CCNK: variants seen among roughly 807,000 people sequenced by gnomAD.
The protein encoded by CCNK is cyclin-K.
A neutral mutation model predicts 65.0 loss-of-function variants in CCNK; 9 were observed. The ratio of observed to expected loss-of-function variants is 0.14; its 90% CI spans 0.08 to 0.24. The LOEUF is 0.24. Among genes scored for constraint, CCNK ranks in the 10% least tolerant of loss-of-function variants. The pLI is 1.00. For missense variants in CCNK, 474 were observed against 720.0 expected (o/e 0.66, Z 3.91); for synonymous variants, 279 against 270.8 (o/e 1.03, Z -0.30).
rs1412522062 is a variant in CCNK, at chr14:99,510,526, C to A, written c.1487C>A (p.Pro496Gln). The change falls in exon 11 of 11, where the codon CCA (proline) becomes CAA (glutamine). Residue 496 changes from proline (P) to glutamine (Q), a missense_variant. By Grantham distance (76) the Pro-to-Gln change is moderately conservative (BLOSUM62 -1). Coordinates refer to ENST00000389879, the MANE Select transcript of CCNK (RefSeq NM_001099402.2). Reference sequence around the variant, plus strand: ...CCTCCTCCCCCAGCCTCCTTCCCCCCACCTGCCATCCCACCCCCTACTCCT... The same window carrying A: ...CCTCCTCCCCCAGCCTCCTTCCCCCAACCTGCCATCCCACCCCCTACTCCT... The part of the protein sequence containing the change: ...PVPPPPASFP[P>Q]PAIPPPTPGY... 5 of 553,000 alleles carry A rather than the reference C, an allele frequency of 9.0e-6. No individual in the cohort carries two copies. Among genetic ancestry groups the A allele is most frequent in the East Asian group, 5.7e-5 (1 of 17,630 alleles). The allele number at this position is 553,000 out of a possible 1,614,324, so 34.3% of individuals were successfully genotyped here.
intron 2 of CCNK, 124 bp from the exon 3 acceptor site, chr14:99,493,390 G>T: frequency 1.8e-6 from 1 of 559,104 alleles, no homozygotes; most frequent in Non-Finnish European, 3.2e-6. Context: ...TCATTACTTT[G>T]CCACTAATAT....
At chr14:99,498,385 C>T (rs1018768030) in intron 4 of CCNK, among the ~76,000 whole-genome samples, 6 of 152,120 alleles carry the variant, frequency 3.9e-5, no homozygotes, top group African/African-American at 7.2e-5. Context: ...CTTCCCTGGT[C>T]GGAGTCGGGG....
At chr14:99,487,767 G>T (rs898587965) in intron 1 of CCNK, among the ~76,000 whole-genome samples, 4 of 152,224 alleles carry the variant, frequency 2.6e-5, no homozygotes, top group African/African-American at 7.2e-5. Context: ...GTTAACACAG[G>T]TGTGTTTACT....
chr14:99,502,132 T>A (rs1422902181), intron 6 of CCNK, 75 bp from the exon 7 acceptor site: 1 of 1,430,392 alleles, frequency 7.0e-7, no homozygotes, highest in Non-Finnish European at 9.3e-7. Context: ...TGGTTAGTTA[T>A]GGCATCTCCA....
chr14:99,500,013 A>C (rs1896785137), intron 4 of CCNK, among the ~76,000 whole-genome samples: 1 of 152,244 alleles, frequency 6.6e-6, no homozygotes, highest in South Asian at 2.1e-4. Flanking sequence ...GAAAAAGAGA[A>C]GTAATACTGG....
Position 99,501,336 on chromosome 14 carries a change from CT to C in CCNK, c.518-15del. 4 of 1,554,636 alleles carry C rather than the reference CT, an allele frequency of 2.6e-6. No homozygotes were observed. The highest frequency in any genetic ancestry group is 2.7e-6 in the Non-Finnish European group (3 of 1,128,368). ...AATTTTTCTATTGCTATTAATTTAC[CT>C]TTTTGTCCCCATTTCTAGGTGATAA... On this transcript the variant is annotated intron_variant, in intron 5 of 10. Coordinates refer to ENST00000389879, the MANE Select transcript of CCNK (RefSeq NM_001099402.2).
intron 4 of CCNK, among the ~76,000 whole-genome samples, chr14:99,497,259 C>T (rs1014688915): frequency 6.6e-6 from 1 of 152,174 alleles, no homozygotes; most frequent in Non-Finnish European, 1.5e-5. Context: ...TCCTTCTCCC[C>T]GCTAACCTCT....
chr14:99,508,144 G>C (rs771306801), intron 10 of CCNK: 2 of 152,230 alleles, frequency 1.3e-5, no homozygotes, highest in Non-Finnish European at 2.9e-5. Context: ...TTACATTTCT[G>C]TTCCTACTCA....
chr14:99,493,848 C>T (rs1896644885), intron 3 of CCNK: 2 of 313,098 alleles, frequency 6.4e-6, no homozygotes, highest in African/African-American at 4.3e-5. Context: ...CCCGTGGTAC[C>T]TTTCCCAGCA....
chr14:99,503,781 C>A, intron 9 of CCNK, 137 bp downstream of exon 9: 1 of 692,426 alleles, frequency 1.4e-6, no homozygotes, highest in Non-Finnish European at 2.4e-6. Flanking sequence ...ACTTTTCCAT[C>A]AGCATTGTCT....
At chr14:99,481,802 A>G (rs754126398) in intron 1 of CCNK, among the ~76,000 whole-genome samples, 1 of 152,188 alleles carries the variant, frequency 6.6e-6, no homozygotes, top group South Asian at 2.1e-4. Flanking sequence ...TTAACCGCGC[A>G]CAGTCTCACA....
intron 1 of CCNK, 71 bp from the exon 2 acceptor site, chr14:99,492,555 A>G: frequency 1.3e-6 from 1 of 788,552 alleles, no homozygotes; most frequent in Non-Finnish European, 2.0e-6. Context: ...CAAACCAGGT[A>G]CAATCTATGA....
In CCNK at chr14:99,492,845, C is replaced by T. The variant is rs760009298; in HGVS notation, c.168C>T (p.Phe56=). The part of the protein sequence containing the change: ...EARYRREGAR[F]IFDVGTRLGL... ...GGTACCGCCGAGAGGGCGCTCGGTT[C>T]ATCTTTGATGTGGGCACACGTTTGG... The change falls in exon 2 of 11, where the codon TTC becomes TTT. Residue 56 remains phenylalanine, a synonymous_variant. Transcript: ENST00000389879. The T allele has an allele frequency of 2.5e-6, 4 of 1,606,204 alleles. No individual in the cohort carries two copies. The highest frequency in any genetic ancestry group is 3.4e-6 in the Non-Finnish European group (4 of 1,177,954).
At chr14:99,484,119 A>G (rs992489798) in intron 1 of CCNK, among the ~76,000 whole-genome samples, 15 of 152,258 alleles carry the variant, frequency 9.9e-5, no homozygotes, top group African/African-American at 3.6e-4. Flanking sequence ...AAGTGGTTCT[A>G]GGATGTAACA....
In CCNK at chr14:99,510,662, G is replaced by A. The variant is rs370655229; in HGVS notation, c.1623G>A (p.Pro541=). 3.1e-5 allele frequency: 43 copies of A among 1,374,316 alleles called. No individual in the cohort carries two copies. Among genetic ancestry groups the A allele is most frequent in the Middle Eastern group, 2.3e-4 (1 of 4,286 alleles). The allele number at this position is 1,374,316 out of a possible 1,614,324, so 85.1% of individuals were successfully genotyped here. The part of the protein sequence containing the change: ...PPHPPPGLGL[P]PASYPPPAVP... ...ATCCTCCTCCAGGGTTGGGCCTGCCGCCAGCCAGCTACCCACCTCCTGCCG... is the reference window on the plus strand; with the variant it reads ...ATCCTCCTCCAGGGTTGGGCCTGCCACCAGCCAGCTACCCACCTCCTGCCG... Residue 541 remains proline (P), a synonymous_variant, in exon 11 of 11, where the codon CCG becomes CCA. Transcript: ENST00000389879.
At chr14:99,494,514 G>C (rs1418446662) in intron 3 of CCNK, 1 of 152,178 alleles carries the variant, frequency 6.6e-6, no homozygotes, top group East Asian at 1.9e-4. Flanking sequence ...TGAAGTTCTT[G>C]AAGAAGGAGA....
rs770261746 is a variant in CCNK, at chr14:99,507,070, T to C, written c.1046-6T>C. ...AGTGGTTTTCTAATCTGCTTTTTCTTTGTAGAACCACCACCACCTAAAATC... is the reference window on the plus strand; with the variant it reads ...AGTGGTTTTCTAATCTGCTTTTTCTCTGTAGAACCACCACCACCTAAAATC... On this transcript the variant is annotated splice_region_variant and splice_polypyrimidine_tract_variant and intron_variant, in intron 9 of 10. Transcript: ENST00000389879. The C allele has an allele frequency of 1.3e-5, 20 of 1,591,782 alleles. No homozygotes were observed. The African/African-American group carries it at 1.7e-4, about 14-fold the overall frequency.
intron 9 of CCNK, chr14:99,504,451 A>ATTTTTTT (rs376815169): frequency 7.3e-6 from 1 of 136,958 alleles, no homozygotes; most frequent in Admixed American, 7.3e-5. Context: ...GTACAGGTGA[A>ATTTTTTT]TTTTTTTTTT....
At chr14:99,491,193 C>T (rs571148517) in intron 1 of CCNK, among the ~76,000 whole-genome samples, 1 of 152,264 alleles carries the variant, frequency 6.6e-6, no homozygotes, top group Non-Finnish European at 1.5e-5. Context: ...TAATCTTGTG[C>T]ACATGTTGTT....
Sources: gnomAD v4.1 joint callset for allele counts (sites outside exome capture counted in the v4.1 genomes callset) on GRCh38, gnomAD v4.1.1 for gene constraint, MANE v1.5 for transcripts, NCBI Gene and HGNC (gene_info 2026-07-23, HGNC 2026-07-21) for gene names.